Variants in TP63 observed in about 807,000 individuals in gnomAD.
TP63 encodes the protein tumor protein p63.
TP63 carries 17 observed loss-of-function variants against 82.8 expected under a neutral mutation model. That is an observed-to-expected ratio of 0.21 (90% CI 0.14 to 0.31). TP63 has a LOEUF of 0.31. Ranked by LOEUF, TP63 falls within the 10% of genes least tolerant of loss-of-function variation. The pLI, the probability that TP63 is intolerant of heterozygous loss-of-function variation, is 1.00. For missense variants in TP63, 648 were observed against 895.3 expected, an observed-to-expected ratio of 0.72 and a Z score of 3.52; for synonymous variants, 330 against 321.7, an observed-to-expected ratio of 1.03 and a Z score of -0.28.
intron 3 of TP63, among the ~76,000 whole-genome samples, chr3:189,763,393 G>C (rs1299193641): frequency 1.3e-5 from 2 of 152,190 alleles, no homozygotes; most frequent in African/African-American, 4.8e-5. Context: ...ACGCAGCTCA[G>C]TGGTCCTACA....
chr3:189,878,206 C>T (rs915158313), intron 10 of TP63, among the ~76,000 whole-genome samples: 2 of 152,170 alleles, frequency 1.3e-5, no homozygotes, highest in Middle Eastern at 3.4e-3. Context: ...GAAAGGTACA[C>T]GGTCTCCAAA....
chr3:189,697,272 C>G (rs1717458337), intron 1 of TP63, among the ~76,000 whole-genome samples: 1 of 111,502 alleles, frequency 9.0e-6, no homozygotes, highest in East Asian at 2.5e-4. Context: ...TCGATTGTTT[C>G]AGCACCATTT....
intron 3 of TP63, among the ~76,000 whole-genome samples, chr3:189,740,037 T>G (rs6764610): frequency 3.6e-5 from 2 of 54,964 alleles, no homozygotes; most frequent in Admixed American, 1.8e-4. Flanking sequence ...GAAAGTCAAT[T>G]GGAGAAAGGC....
chr3:189,699,592 T>C (rs1717648063), intron 1 of TP63, among the ~76,000 whole-genome samples: 1 of 152,182 alleles, frequency 6.6e-6, no homozygotes, highest in Non-Finnish European at 1.5e-5. Flanking sequence ...AATGACTAAA[T>C]ACTAGGAAAG....
intron 3 of TP63, among the ~76,000 whole-genome samples, chr3:189,755,838 C>T (rs1228149250): frequency 3.3e-5 from 5 of 152,076 alleles, no homozygotes; most frequent in Admixed American, 6.6e-5. Flanking sequence ...CATGCAAGTA[C>T]TTTTAGGTGA....
chr3:189,781,783 A>C lies in TP63; in HGVS notation c.325-26489A>C, dbSNP rs907829061. Among the ~76,000 whole-genome samples, 18 of 152,292 alleles carry C rather than the reference A, an allele frequency of 1.2e-4. 1 individual carries two copies. The Middle Eastern group carries it at 0.014, about 115-fold the overall frequency. On this transcript the variant is annotated intron_variant, in intron 3 of 13. Coordinates refer to ENST00000264731, the MANE Select transcript of TP63 (RefSeq NM_003722.5). ...CAGGGCTGAAATCTTGGTAGAAATC[A>C]ACTAGTCTATAAAATTAGCTGCCTC...
intron 1 of TP63, among the ~76,000 whole-genome samples, chr3:189,656,264 C>A (rs1053475123): frequency 6.6e-6 from 1 of 151,908 alleles, no homozygotes; most frequent in African/African-American, 2.4e-5. Flanking sequence ...CATGTACTAC[C>A]CATAAGATAG....
At chr3:189,745,451 G>A (rs897366368) in intron 3 of TP63, among the ~76,000 whole-genome samples, 11 of 152,246 alleles carry the variant, frequency 7.2e-5, no homozygotes, top group Non-Finnish European at 1.5e-4. Context: ...GCTCATGCCT[G>A]TAATCCCAGA....
At chr3:189,841,701 G>C (rs1327910522) in intron 4 of TP63, among the ~76,000 whole-genome samples, 1 of 152,212 alleles carries the variant, frequency 6.6e-6, no homozygotes, top group African/African-American at 2.4e-5. Context: ...ACGTGTTTCT[G>C]TTAGGAATGA....
intron 1 of TP63, among the ~76,000 whole-genome samples, chr3:189,708,782 AT>A (rs750250002): frequency 8.5e-5 from 13 of 152,364 alleles, no homozygotes; most frequent in Non-Finnish European, 1.5e-4. Flanking sequence ...GCTAAAAAAA[AT>A]AATATGCGAA....
chr3:189,631,159 G>GAA, upstream of TP63: 4 of 881,182 alleles, frequency 4.5e-6, no homozygotes, highest in Non-Finnish European at 5.4e-6. Context: ...ACAGAGATCA[G>GAA]AAGTTCAGAG....
Position 189,880,043 on chromosome 3 carries a change from T to C in TP63, c.1350-6351T>C, listed in dbSNP as rs1719734305. The C allele has an allele frequency of 6.2e-6, 10 of 1,610,298 alleles. No individual in the cohort carries two copies. The East Asian group carries it at 2.2e-4, about 36-fold the overall frequency. On this transcript the variant is annotated intron_variant, in intron 10 of 13. Transcript: ENST00000264731. ...AAGTCCTAGGCCTTCATTTTTTCTT[T>C]TCTCTGGTTCCTCTCTGCAGTCTCC...
At chr3:189,825,533 C>G (rs1729247408) in intron 4 of TP63, among the ~76,000 whole-genome samples, 1 of 152,076 alleles carries the variant, frequency 6.6e-6, no homozygotes, top group South Asian at 2.1e-4. Flanking sequence ...TCAAAATACC[C>G]AGAGGTATTG....
intron 3 of TP63, among the ~76,000 whole-genome samples, chr3:189,771,635 C>T (rs865803218): frequency 4.0e-5 from 6 of 150,948 alleles, no homozygotes; most frequent in South Asian, 2.1e-4. Context: ...CTTTTTTAGC[C>T]CTCCTGAGTT....
chr3:189,668,441 GA>G (rs1279159170), intron 1 of TP63, among the ~76,000 whole-genome samples: 2 of 151,968 alleles, frequency 1.3e-5, no homozygotes, highest in African/African-American at 4.8e-5. Context: ...ACAGAGACAT[GA>G]AAAATATAAA....
chr3:189,871,664 A>G (rs1282659830), intron 9 of TP63, among the ~76,000 whole-genome samples: 1 of 152,192 alleles, frequency 6.6e-6, no homozygotes, highest in African/African-American at 2.4e-5. Flanking sequence ...AAGGCAATGC[A>G]GTTGTGCTAA....
intron 1 of TP63, among the ~76,000 whole-genome samples, chr3:189,735,693 A>G (rs6777607): frequency 0.46 from 70,097 of 151,970 alleles, 16,932 homozygotes; most frequent in African/African-American, 0.6. Context: ...CTTTACCCAT[A>G]AACTGACATG....
intron 1 of TP63, among the ~76,000 whole-genome samples, chr3:189,649,833 G>T (rs538422084): frequency 6.8e-6 from 1 of 146,802 alleles, no homozygotes; most frequent in Admixed American, 6.7e-5. Flanking sequence ...AATAAGAACA[G>T]GGAAATAGGA....
At chr3:189,627,661 A>T (rs1355520571), upstream of TP63, among the ~76,000 whole-genome samples, 1 of 152,210 alleles carries the variant, frequency 6.6e-6, no homozygotes, top group Non-Finnish European at 1.5e-5. Context: ...CTATTGGAAA[A>T]CAATGTTCTA....
Sources: allele counts gnomAD v4.1 joint callset (sites outside exome capture counted in the v4.1 genomes callset), GRCh38; gene constraint gnomAD v4.1.1; transcripts MANE v1.5; gene names NCBI Gene and HGNC (gene_info 2026-07-23, HGNC 2026-07-21).